Variants in CYFIP2 observed in about 807,000 individuals in gnomAD.
CYFIP2 encodes the protein cytoplasmic FMR1-interacting protein 2.
A neutral mutation model predicts 158.7 loss-of-function variants in CYFIP2; 29 were observed. The observed-to-expected ratio is 0.18, with a 90% CI of 0.14 to 0.25. CYFIP2 has a LOEUF of 0.25. Among genes scored for constraint, CYFIP2 ranks in the 10% least tolerant of loss-of-function variants. CYFIP2 has a pLI of 1.00. For missense variants in CYFIP2, 852 were observed against 1,639.5 expected (o/e 0.52, Z 8.29); for synonymous variants, 585 against 617.6 (o/e 0.95, Z 0.78).
intron 5 of CYFIP2, among the ~76,000 whole-genome samples, chr5:157,299,206 G>C (rs564358709): frequency 2.8e-4 from 31 of 108,786 alleles, no homozygotes; most frequent in Admixed American, 1.3e-3. Context: ...TATAATTCAG[G>C]CCATGTTATC....
At chr5:157,335,854 G>T (rs1312019500) in intron 21 of CYFIP2, among the ~76,000 whole-genome samples, 1 of 151,822 alleles carries the variant, frequency 6.6e-6, no homozygotes, top group Non-Finnish European at 1.5e-5. Context: ...TTCCAATAAT[G>T]AGCATATCTT....
chr5:157,376,708 G>A (rs2113474618), intron 26 of CYFIP2: 1 of 256,160 alleles, frequency 3.9e-6, no homozygotes, highest in Non-Finnish European at 8.1e-6. Context: ...AGGAACTGAA[G>A]TCTCCGGAAG....
intron 1 of CYFIP2, among the ~76,000 whole-genome samples, chr5:157,281,886 T>A (rs1246965619): frequency 3.9e-5 from 6 of 152,306 alleles, no homozygotes; most frequent in Non-Finnish European, 7.3e-5. Context: ...TGTTTGTTTT[T>A]TAAGTAGAAG....
intron 26 of CYFIP2, among the ~76,000 whole-genome samples, chr5:157,362,165 T>C (rs940177244): frequency 3.9e-5 from 6 of 152,216 alleles, no homozygotes; most frequent in African/African-American, 1.4e-4. Context: ...GAAGAGAAGC[T>C]TTGTTTTAAA....
chr5:157,305,564 G>A (rs1029918326), intron 8 of CYFIP2, among the ~76,000 whole-genome samples: 35 of 152,356 alleles, frequency 2.3e-4, no homozygotes, highest in African/African-American at 6.0e-4. Flanking sequence ...AGGCTGGAGT[G>A]CAGTGGCACA....
chr5:157,312,377 A>T lies in CYFIP2; in HGVS notation c.1110+596A>T, dbSNP rs563757912. Among the ~76,000 whole-genome samples, 8 of 151,836 alleles carry T rather than the reference A, an allele frequency of 5.3e-5. No individual in the cohort carries two copies. In the South Asian group the frequency reaches 1.7e-3, roughly 32 times the overall value. ...TCAGCGCACAAACCTCAGGAAAAAA[A>T]CCCAAATAAGCGAAAGGAGAGAAAA... On this transcript the variant is annotated intron_variant, in intron 11 of 30. Transcript: ENST00000620254.
At chr5:157,354,365 C>G (rs944799116) in intron 23 of CYFIP2, among the ~76,000 whole-genome samples, 2 of 152,130 alleles carry the variant, frequency 1.3e-5, no homozygotes, top group African/African-American at 4.8e-5. Context: ...GGCAAGTTTC[C>G]AATGGCTCAT....
chr5:157,362,430 G>C (rs1763921698), intron 26 of CYFIP2, among the ~76,000 whole-genome samples: 1 of 152,194 alleles, frequency 6.6e-6, no homozygotes, highest in Non-Finnish European at 1.5e-5. Context: ...CATGATTCTA[G>C]CTTCCTTGGC....
chr5:157,358,363 G>A (rs1269841707), intron 23 of CYFIP2, among the ~76,000 whole-genome samples: 2 of 152,204 alleles, frequency 1.3e-5, no homozygotes, highest in African/African-American at 4.8e-5. Context: ...CTTCACATAT[G>A]AAGTTCTGTG....
At chr5:157,275,530 T>G (rs1194727448) in intron 1 of CYFIP2, among the ~76,000 whole-genome samples, 1 of 152,226 alleles carries the variant, frequency 6.6e-6, no homozygotes, top group Non-Finnish European at 1.5e-5. Flanking sequence ...ACCACACAAT[T>G]TTGATTACTG....
At chr5:157,339,347 G>A in intron 22 of CYFIP2, 91 bp downstream of exon 22, 1 of 1,180,086 alleles carries the variant, frequency 8.5e-7, no homozygotes, top group Non-Finnish European at 1.2e-6. Context: ...ATGTGTGAGT[G>A]GTTCCTGCAA....
Position 157,382,637 on chromosome 5 carries a change from C to T in CYFIP2, c.3087C>T (p.Asn1029=). The T allele has an allele frequency of 1.2e-6, 2 of 1,614,004 alleles. No homozygotes were observed. The highest frequency in any genetic ancestry group is 1.7e-6 in the Non-Finnish European group (2 of 1,179,886). ...TGCTCCATGCCGCACCCTTCCAAAACATCTTGCCTAGAGTCTACATCAAAG... is the reference window on the plus strand; with the variant it reads ...TGCTCCATGCCGCACCCTTCCAAAATATCTTGCCTAGAGTCTACATCAAAG... ...CDLLHAAPFQ[N]ILPRVYIKEG... is the part of the protein sequence containing the mutation. The change falls in exon 27 of 31, where the codon AAC becomes AAT. Residue 1029 remains asparagine, a synonymous_variant. Transcript: ENST00000620254.
chr5:157,389,199 T>C lies in CYFIP2; in HGVS notation c.3218T>C (p.Ile1073Thr), dbSNP rs766472184. ...CCCTTCTGTTTCCAGCAAATCGCCA[T>C]TGCTCGCGAGGGTGACCTCCTGACC... ...ERLGTPQQIA[I>T]AREGDLLTKE... The change falls in exon 29 of 31, where the codon ATT becomes ACT. Residue 1073 changes from isoleucine (I) to threonine (T), a missense_variant. By Grantham distance (89) the Ile-to-Thr change is moderately conservative. Around this residue, in one of 8 missense-constraint regions of CYFIP2, gnomAD observed 223 missense variants for 381.6 expected, o/e 0.58. Coordinates refer to ENST00000620254, the MANE Select transcript of CYFIP2 (RefSeq NM_001037333.3). 19 of 1,610,228 alleles carry C rather than the reference T, an allele frequency of 1.2e-5. No individual in the cohort carries two copies. The highest frequency in any genetic ancestry group is 5.0e-5 in the Admixed American group (3 of 59,750).
rs13354242 is a variant in CYFIP2 at position 157,333,434 on chromosome 5, G to C, written c.2373G>C (p.Leu791=). The C allele has an allele frequency of 4.5e-4, 730 of 1,613,946 alleles. 4 individuals carry two copies. In the African/African-American group the frequency reaches 8.6e-3, roughly 19 times the overall value. Residue 791 remains leucine, a synonymous_variant, in exon 21 of 31, where the codon CTG becomes CTC. Transcript: ENST00000620254. The part of the protein sequence containing the change: ...QAISRFESED[L]TSIVELEWLL... ...TCAGCCGCTTTGAGAGTGAGGACCTGACCTCCATTGTGGTAAGAGTCTGGG... is the reference window on the plus strand; with the variant it reads ...TCAGCCGCTTTGAGAGTGAGGACCTCACCTCCATTGTGGTAAGAGTCTGGG...
In CYFIP2 at chr5:157,325,500, G is replaced by C; in HGVS notation, c.1844G>C (p.Cys615Ser). 1 of 1,613,210 alleles carries C rather than the reference G, an allele frequency of 6.2e-7. No homozygotes were observed. Among genetic ancestry groups the C allele is most frequent in the Non-Finnish European group, 8.5e-7 (1 of 1,179,556 alleles). ...LNISEALQQCCDLSQLWFREF... is the reference protein window; with the variant it reads ...LNISEALQQCSDLSQLWFREF... ...CTTTCAGAAGCCCTGCAGCAGTGTT[G>C]TGACCTCTCCCAGCTCTGGTTCCGA... is the stretch of plus-strand genomic sequence containing the variant. The change falls in exon 17 of 31, where the codon TGT becomes TCT. Residue 615 changes from cysteine (C) to serine (S), a missense_variant. Coordinates refer to ENST00000620254, the MANE Select transcript of CYFIP2 (RefSeq NM_001037333.3).
chr5:157,369,964 C>T (rs1764840824), intron 26 of CYFIP2, among the ~76,000 whole-genome samples: 1 of 150,226 alleles, frequency 6.7e-6, no homozygotes, highest in African/African-American at 2.5e-5. Context: ...TCACTGCAAC[C>T]TCCACTTCCT....
At chr5:157,343,125 C>A (rs10037485) in intron 23 of CYFIP2, 6 of 1,614,032 alleles carry the variant, frequency 3.7e-6, no homozygotes, top group Non-Finnish European at 5.1e-6. Context: ...TGGCAACGGA[C>A]ACACCAGAAC....
intron 1 of CYFIP2, among the ~76,000 whole-genome samples, chr5:157,270,326 A>C (rs1755985474): frequency 6.6e-6 from 1 of 152,192 alleles, no homozygotes; most frequent in South Asian, 2.1e-4. Flanking sequence ...CCTCTGCAGG[A>C]AATAAAGGTG....
intron 1 of CYFIP2, among the ~76,000 whole-genome samples, chr5:157,276,341 C>T (rs967548490): frequency 6.6e-6 from 1 of 152,030 alleles, no homozygotes; most frequent in African/African-American, 2.4e-5. Context: ...ATCATGAAGG[C>T]GTTGAGATTT....
Sources: allele counts gnomAD v4.1 joint callset (sites outside exome capture counted in the v4.1 genomes callset), GRCh38; gene constraint gnomAD v4.1.1; regional missense constraint gnomAD v4.1.1; transcripts MANE v1.5; gene names NCBI Gene and HGNC (gene_info 2026-07-23, HGNC 2026-07-21).